The following PAK5 variants were observed in gnomAD, a reference collection of about 807,000 sequenced individuals.
PAK5 encodes serine/threonine-protein kinase PAK 5.
A neutral mutation model predicts 65.9 loss-of-function variants in PAK5; 16 were observed. The observed-to-expected ratio is 0.24, with a 90% CI of 0.16 to 0.37. The LOEUF is 0.37. PAK5 is among the 10% of genes least tolerant of loss of function. The pLI is 1.00. For missense variants in PAK5, 785 were observed against 903.9 expected, an observed-to-expected ratio of 0.87 and a Z score of 1.69; for synonymous variants, 371 against 354.9, an observed-to-expected ratio of 1.05 and a Z score of -0.51.
At chr20:9,550,731 G>GGGGTGTGT (rs1555894637) in intron 7 of PAK5, among the ~76,000 whole-genome samples, 4 of 148,460 alleles carry the variant, frequency 2.7e-5, no homozygotes, top group South Asian at 2.2e-4. Flanking sequence ...CCATAATTGT[G>GGGGTGTGT]GTGTGTGTGT....
At chr20:9,722,363 T>C (rs952860667) in intron 1 of PAK5, among the ~76,000 whole-genome samples, 1 of 152,122 alleles carries the variant, frequency 6.6e-6, no homozygotes, top group African/African-American at 2.4e-5. Context: ...CTGACGCCTG[T>C]AATCACGTGT....
intron 2 of PAK5, among the ~76,000 whole-genome samples, chr20:9,661,720 G>A (rs535226542): frequency 6.6e-6 from 1 of 152,042 alleles, no homozygotes; most frequent in Admixed American, 6.6e-5. Context: ...TCATTCTAAA[G>A]GCATTTTAGA....
At chr20:9,594,343 C>A (rs2046226567) in intron 3 of PAK5, among the ~76,000 whole-genome samples, 1 of 152,188 alleles carries the variant, frequency 6.6e-6, no homozygotes, top group African/African-American at 2.4e-5. Context: ...ACTGGTCAAC[C>A]AAGACAACCT....
At chr20:9,750,586 A>G (rs917960232) in intron 1 of PAK5, among the ~76,000 whole-genome samples, 2 of 152,186 alleles carry the variant, frequency 1.3e-5, no homozygotes, top group African/African-American at 4.8e-5. Flanking sequence ...ATAAGCAACC[A>G]AAAGTTACCT....
chr20:9,757,347 A>C (rs1473760580), intron 1 of PAK5, among the ~76,000 whole-genome samples: 2 of 152,228 alleles, frequency 1.3e-5, no homozygotes, highest in African/African-American at 4.8e-5. Context: ...TATGACTATC[A>C]GACCTATTTT....
intron 1 of PAK5, among the ~76,000 whole-genome samples, chr20:9,802,910 G>GTGTGTATATATATATATATATATATA (rs142279832): frequency 0.06 from 2,740 of 46,016 alleles, 312 homozygotes; most frequent in Non-Finnish European, 0.072. Flanking sequence ...ATATGTATGT[G>GTGTGTATATATATATATATATATATA]TATATATATA....
chr20:9,598,752 G>A (rs2046313051), intron 3 of PAK5, among the ~76,000 whole-genome samples: 3 of 152,180 alleles, frequency 2.0e-5, no homozygotes, highest in South Asian at 2.1e-4. Context: ...CCGCATAAAT[G>A]TCTTCCTTTG....
chr20:9,683,269 A>C (rs2047674542), intron 2 of PAK5, among the ~76,000 whole-genome samples: 1 of 152,262 alleles, frequency 6.6e-6, no homozygotes, highest in African/African-American at 2.4e-5. Flanking sequence ...GTGAATAATT[A>C]TATTTCTACA....
At chr20:9,732,580 G>T (rs753258849) in intron 1 of PAK5, among the ~76,000 whole-genome samples, 7 of 152,148 alleles carry the variant, frequency 4.6e-5, no homozygotes, top group Non-Finnish European at 8.8e-5. Context: ...ACTCATGTGA[G>T]CTCTCTTGTA....
intron 1 of PAK5, among the ~76,000 whole-genome samples, chr20:9,802,992 C>A (rs1391842800): frequency 7.3e-6 from 1 of 136,316 alleles, no homozygotes; most frequent in Non-Finnish European, 1.5e-5. Context: ...AAGCTCCAAA[C>A]CATGCTTCAA....
intron 5 of PAK5, among the ~76,000 whole-genome samples, chr20:9,565,075 G>A (rs1242511040): frequency 6.6e-6 from 1 of 151,472 alleles, no homozygotes; most frequent in Non-Finnish European, 1.5e-5. Flanking sequence ...AAGATTATAA[G>A]GCCATTAAAA....
rs1569068115 is a variant in PAK5, at chr20:9,741,325, C to A, written c.-161-29890G>T. ...ATACCTTAATGAATTGTGCACACTC[C>A]TTTAGATTACCCTTGAGCCCACCGT... is the stretch of plus-strand genomic sequence containing the variant. On this transcript the variant is annotated intron_variant, in intron 1 of 9. Transcript: ENST00000353224. 2.6e-5 allele frequency among the ~76,000 whole-genome samples: 4 copies of A among 152,202 alleles called. No homozygotes were observed. In the South Asian group the frequency reaches 8.3e-4, roughly 32 times the overall value.
At chr20:9,590,198 T>A (rs1173991063) in intron 3 of PAK5, among the ~76,000 whole-genome samples, 1 of 152,122 alleles carries the variant, frequency 6.6e-6, no homozygotes, top group Non-Finnish European at 1.5e-5. Context: ...CTCAAACTCC[T>A]GGCCTCAAGT....
chr20:9,566,940 C>T (rs1273852422), intron 4 of PAK5, among the ~76,000 whole-genome samples: 1 of 152,056 alleles, frequency 6.6e-6, no homozygotes, highest in African/African-American at 2.4e-5. Flanking sequence ...GAAAATGATG[C>T]TAGACCCGAA....
intron 1 of PAK5, among the ~76,000 whole-genome samples, chr20:9,810,612 C>A (rs964188941): frequency 1.3e-5 from 2 of 152,178 alleles, no homozygotes; most frequent in Admixed American, 1.3e-4. Flanking sequence ...TTAGACACAA[C>A]AGTTTATATT....
intron 1 of PAK5, among the ~76,000 whole-genome samples, chr20:9,716,146 A>C (rs1266795390): frequency 4.6e-5 from 1 of 21,528 alleles, no homozygotes; most frequent in Non-Finnish European, 1.0e-4. Flanking sequence ...AGTATAATAA[A>C]AAAAAAAAAA....
intron 3 of PAK5, among the ~76,000 whole-genome samples, chr20:9,620,449 C>T (rs2046747908): frequency 1.3e-5 from 2 of 152,240 alleles, no homozygotes; most frequent in Admixed American, 6.5e-5. Flanking sequence ...AGGGTGTCCA[C>T]TTCTTTTGAC....
At chr20:9,726,142 G>T (rs1455413423) in intron 1 of PAK5, among the ~76,000 whole-genome samples, 1 of 152,084 alleles carries the variant, frequency 6.6e-6, no homozygotes, top group Non-Finnish European at 1.5e-5. Context: ...CTCTGATTTT[G>T]TGATGTTTTC....
intron 3 of PAK5, among the ~76,000 whole-genome samples, chr20:9,620,155 T>A (rs773233028): frequency 8.5e-5 from 13 of 152,338 alleles, no homozygotes; most frequent in Non-Finnish European, 1.8e-4. Context: ...ACAGCCTTTA[T>A]TTGCCCATTC....
Sources: allele counts gnomAD v4.1 joint callset (sites outside exome capture counted in the v4.1 genomes callset), GRCh38; gene constraint gnomAD v4.1.1; transcripts MANE v1.5; gene names NCBI Gene and HGNC (gene_info 2026-07-23, HGNC 2026-07-21).